The following BRD10 variants were observed in gnomAD, a reference collection of about 807,000 sequenced individuals.
BRD10 encodes the protein uncharacterized bromodomain-containing protein 10.
the BRD10 span, among the ~76,000 whole-genome samples, chr9:5,910,995 TCTTTA>T: frequency 5.3e-5 from 8 of 152,232 alleles, no homozygotes; most frequent in Non-Finnish European, 8.8e-5. Context: ...ATGGGTTGTC[TCTTTA>T]CTTTGTTGAT....
the BRD10 span, among the ~76,000 whole-genome samples, chr9:5,911,526 T>C: frequency 6.7e-6 from 1 of 150,136 alleles, no homozygotes; most frequent in African/African-American, 2.4e-5. Context: ...AGGTCCTTTT[T>C]CTTTTCTTTT....
At chr9:5,994,901 C>CT in the BRD10 span, among the ~76,000 whole-genome samples, 564 of 141,638 alleles carry the variant, frequency 4.0e-3, 1 homozygote, top group Middle Eastern at 0.011. Flanking sequence ...TATCATTTTT[C>CT]TTTTTTTTTT....
At chr9:5,921,108 T>A in the BRD10 span, 5 of 1,613,768 alleles carry the variant, frequency 3.1e-6, no homozygotes, top group South Asian at 4.4e-5. Context: ...CTCACAAAAT[T>A]TGAGCTTACT....
At chr9:5,920,443 G>A in the BRD10 span, 1 of 1,613,992 alleles carries the variant, frequency 6.2e-7, no homozygotes, top group South Asian at 1.1e-5. Context: ...CCGAAGCCGT[G>A]TGAATGGTAG....
chr9:6,007,449 C>T, the BRD10 span: 3 of 1,607,942 alleles, frequency 1.9e-6, no homozygotes, highest in Non-Finnish European at 2.6e-6. Context: ...CCGCCACCTC[C>T]TCCTCCGCGG....
At chr9:5,903,019 T>C in the BRD10 span, among the ~76,000 whole-genome samples, 1 of 152,348 alleles carries the variant, frequency 6.6e-6, no homozygotes. Context: ...AATTCTGATA[T>C]CATATTTTAA....
the BRD10 span, chr9:5,920,276 C>T: frequency 6.2e-7 from 1 of 1,613,934 alleles, no homozygotes; most frequent in Non-Finnish European, 8.5e-7. Context: ...AACATGGCTG[C>T]CAGCTCCAAG....
chr9:5,975,811 T>C, the BRD10 span, among the ~76,000 whole-genome samples: 3 of 152,042 alleles, frequency 2.0e-5, no homozygotes, highest in African/African-American at 7.2e-5. Context: ...TGGGTAAATA[T>C]GAATAAAAAA....
At chr9:5,973,913 CA>C in the BRD10 span, among the ~76,000 whole-genome samples, 6 of 151,910 alleles carry the variant, frequency 3.9e-5, no homozygotes, top group Non-Finnish European at 7.4e-5. Context: ...AAGCAAGAGA[CA>C]AAAAACAAAT....
At chr9:5,920,133 G>A in the BRD10 span, 2 of 1,613,932 alleles carry the variant, frequency 1.2e-6, no homozygotes, top group East Asian at 4.5e-5. Flanking sequence ...TGTTGTAGAG[G>A]TTGGCCACTT....
chr9:5,924,514 G>A, the BRD10 span: 1 of 450,620 alleles, frequency 2.2e-6, no homozygotes, highest in Non-Finnish European at 3.8e-6. Context: ...CTTCTTATAA[G>A]GATGTGGACA....
chr9:5,908,643 C>G, the BRD10 span: 1 of 1,613,908 alleles, frequency 6.2e-7, no homozygotes, highest in East Asian at 2.2e-5. Flanking sequence ...CTCACAGGTT[C>G]CCAATGCTCC....
chr9:6,007,277 G>A, the BRD10 span: 10 of 1,613,956 alleles, frequency 6.2e-6, no homozygotes, highest in South Asian at 5.5e-5. Flanking sequence ...ACTCCGTGCA[G>A]GCGGTAGCAC....
At chr9:5,908,274 G>A in the BRD10 span, among the ~76,000 whole-genome samples, 1 of 152,146 alleles carries the variant, frequency 6.6e-6, no homozygotes. Flanking sequence ...GTATCAATGT[G>A]CCTTTAGACA....
chr9:5,953,341 CT>C, the BRD10 span, among the ~76,000 whole-genome samples: 1 of 152,034 alleles, frequency 6.6e-6, no homozygotes, highest in African/African-American at 2.4e-5. Context: ...GAAAATACAT[CT>C]TTTATAAAAT....
the BRD10 span, among the ~76,000 whole-genome samples, chr9:5,901,396 C>T: frequency 2.4e-4 from 36 of 152,224 alleles, no homozygotes; most frequent in Middle Eastern, 3.4e-3. Context: ...CTTTATCCCT[C>T]GTTTATTGAG....
the BRD10 span, chr9:5,897,783 C>A: frequency 1.3e-6 from 1 of 798,862 alleles, no homozygotes; most frequent in South Asian, 1.6e-5. Flanking sequence ...GCTTCTGATG[C>A]CTCTTTTGCT....
chr9:5,910,637 T>C, the BRD10 span: 1 of 152,362 alleles, frequency 6.6e-6, no homozygotes, highest in African/African-American at 2.4e-5. Flanking sequence ...CATTTCTCTG[T>C]GGAAAAGGCT....
chr9:5,942,121 T>A, the BRD10 span, among the ~76,000 whole-genome samples: 1 of 152,124 alleles, frequency 6.6e-6, no homozygotes, highest in South Asian at 2.1e-4. Flanking sequence ...CTCCAGATAC[T>A]TAGTTTTGAC....
Sources: gnomAD v4.1 joint callset for allele counts (sites outside exome capture counted in the v4.1 genomes callset) on GRCh38, gnomAD v4.1.1 for gene constraint, MANE v1.5 for transcripts, NCBI Gene and HGNC (gene_info 2026-07-23, HGNC 2026-07-21) for gene names.